Variants in ZFHX4 observed in about 807,000 individuals in gnomAD.
ZFHX4 encodes the protein zinc finger homeobox protein 4.
In ZFHX4, 56 loss-of-function variants were observed where a neutral mutation model predicts 267.6. That is an observed-to-expected ratio of 0.21 (90% CI 0.17 to 0.26). The LOEUF is 0.26. ZFHX4 is among the 10% of genes least tolerant of loss of function. ZFHX4 has a pLI of 1.00. For missense variants in ZFHX4, 4,332 were observed against 4,420.0 expected, an observed-to-expected ratio of 0.98 and a Z score of 0.56; for synonymous variants, 1,778 against 1,665.6, an observed-to-expected ratio of 1.07 and a Z score of -1.64.
At chr8:76,840,308 G>T (rs1812202307) in intron 5 of ZFHX4, among the ~76,000 whole-genome samples, 1 of 152,286 alleles carries the variant, frequency 6.6e-6, no homozygotes, top group East Asian at 1.9e-4. Flanking sequence ...TGCTGTTTGC[G>T]ATTAAGTTGA....
chr8:76,712,430 C>T (rs963000624), intron 3 of ZFHX4, among the ~76,000 whole-genome samples: 1 of 151,688 alleles, frequency 6.6e-6, no homozygotes, highest in Admixed American at 6.6e-5. Context: ...ATAACCCGAT[C>T]AGTTTGGAAT....
chr8:76,841,594 G>A lies in ZFHX4; in HGVS notation c.3395-1061G>A, dbSNP rs1812234320. Among the ~76,000 whole-genome samples, 3 of 152,012 alleles carry A rather than the reference G, an allele frequency of 2.0e-5. 1 individual carries two copies. The highest frequency in any genetic ancestry group is 1.3e-4 in the Admixed American group (2 of 15,278). ...AGAAGAGTGTATGCAAATGTGTGTC[G>A]GTGACCTTTTGCCTTTCCAGGGTTA... On this transcript the variant is annotated intron_variant, in intron 5 of 10. Transcript: ENST00000651372.
At chr8:76,710,823 A>G (rs1808403616) in intron 3 of ZFHX4, among the ~76,000 whole-genome samples, 1 of 152,132 alleles carries the variant, frequency 6.6e-6, no homozygotes, top group Non-Finnish European at 1.5e-5. Flanking sequence ...TCCTTATTCT[A>G]GGTTAAGGAG....
chr8:76,717,529 A>G (rs138956017), intron 3 of ZFHX4, among the ~76,000 whole-genome samples: 357 of 152,346 alleles, frequency 2.3e-3, no homozygotes, highest in African/African-American at 8.1e-3. Flanking sequence ...GCATAACAGA[A>G]TTGTTAACAG....
At chr8:76,748,528 G>A (rs890933835) in intron 3 of ZFHX4, among the ~76,000 whole-genome samples, 2 of 152,154 alleles carry the variant, frequency 1.3e-5, no homozygotes, top group Admixed American at 1.3e-4. Context: ...TCCAAGTCCT[G>A]GACTCAAGCG....
chr8:76,782,401 G>A (rs1332935278), intron 4 of ZFHX4, among the ~76,000 whole-genome samples: 1 of 151,926 alleles, frequency 6.6e-6, no homozygotes, highest in Non-Finnish European at 1.5e-5. Context: ...GTTGTTTTCT[G>A]TGAGCGTATT....
At chr8:76,749,235 A>G (rs1234618643) in intron 3 of ZFHX4, among the ~76,000 whole-genome samples, 1 of 152,048 alleles carries the variant, frequency 6.6e-6, no homozygotes, top group African/African-American at 2.4e-5. Flanking sequence ...ATTTTCTTCA[A>G]TTTAATGTAA....
intron 4 of ZFHX4, among the ~76,000 whole-genome samples, chr8:76,790,166 A>G (rs193042436): frequency 1.3e-5 from 2 of 152,290 alleles, no homozygotes; most frequent in African/African-American, 4.8e-5. Flanking sequence ...ACACTTTCCT[A>G]TATACATGGT....
chr8:76,722,717 A>C (rs1022168717), intron 3 of ZFHX4, among the ~76,000 whole-genome samples: 4 of 151,960 alleles, frequency 2.6e-5, no homozygotes, highest in African/African-American at 9.7e-5. Flanking sequence ...TAGCTTTGAA[A>C]AAAAAGGGAT....
intron 4 of ZFHX4, among the ~76,000 whole-genome samples, chr8:76,779,057 G>C (rs1262911799): frequency 6.6e-6 from 1 of 152,124 alleles, no homozygotes; most frequent in Non-Finnish European, 1.5e-5. Context: ...AAAGTGTCCT[G>C]TTTATATATG....
In ZFHX4 at chr8:76,855,436, C is replaced by T. The variant is rs1466141985; in HGVS notation, c.8515C>T (p.Pro2839Ser). 1 of 1,613,416 alleles carries T rather than the reference C, an allele frequency of 6.2e-7. No homozygotes were observed. Among genetic ancestry groups the T allele is most frequent in the Non-Finnish European group, 8.5e-7 (1 of 1,179,810 alleles). ...CGGAGATGTGAAACCGGCTTTGTCT[C>T]CCAAAGAGCCAAAAACTCTGGATAC... ...SSGDVKPALS[P>S]KEPKTLDTLP... Residue 2839 changes from proline to serine, a missense_variant, in exon 10 of 11, where the codon CCC becomes TCC. By Grantham distance (74) the Pro-to-Ser change is moderately conservative. This residue lies in a region of ZFHX4 where 1,648 missense variants were observed against 1,625.0 expected (regional missense o/e 1.01). Coordinates refer to ENST00000651372, the MANE Select transcript of ZFHX4 (RefSeq NM_024721.5).
At chr8:76,718,214 A>G (rs2131634546) in intron 3 of ZFHX4, among the ~76,000 whole-genome samples, 1 of 152,324 alleles carries the variant, frequency 6.6e-6, no homozygotes, top group East Asian at 1.9e-4. Flanking sequence ...TTTTTGAAAA[A>G]GATTGACATG....
At chr8:76,719,330 G>A (rs1808660096) in intron 3 of ZFHX4, among the ~76,000 whole-genome samples, 1 of 151,950 alleles carries the variant, frequency 6.6e-6, no homozygotes, top group South Asian at 2.1e-4. Flanking sequence ...CAATGTAAGG[G>A]TTCTCAGTTC....
Position 76,716,549 on chromosome 8 carries a change from CATTA to C in ZFHX4, c.3093+8504_3093+8507del, listed in dbSNP as rs555441657. Among the ~76,000 whole-genome samples, 407 of 152,208 alleles carry C rather than the reference CATTA, an allele frequency of 2.7e-3. 2 individuals carry two copies. Among genetic ancestry groups the C allele is most frequent in the Admixed American group, 4.5e-3 (69 of 15,282 alleles). ...CTTTTCAGCTTATGCCCCTAGCCCACATTAATAAGGTTTTTTAATTAAGAAGACT... is the reference window on the plus strand; with the variant it reads ...CTTTTCAGCTTATGCCCCTAGCCCACATAAGGTTTTTTAATTAAGAAGACT... On this transcript the variant is annotated intron_variant, in intron 3 of 10. Coordinates refer to ENST00000651372, the MANE Select transcript of ZFHX4 (RefSeq NM_024721.5).
Position 76,851,942 on chromosome 8 carries a change from A to C in ZFHX4, c.5021A>C (p.Gln1674Pro). The change falls in exon 10 of 11, where the codon CAA becomes CCA. Residue 1674 changes from glutamine (Q) to proline (P), a missense_variant. Gln to Pro is a moderately conservative substitution (Grantham distance 76). Coordinates refer to ENST00000651372, the MANE Select transcript of ZFHX4 (RefSeq NM_024721.5). Reference sequence around the variant, plus strand: ...GATGCCAAAGAATTAAATAAAAAGCAAACTCCTGATTTAATCTCTGCTCAA... The same window carrying C: ...GATGCCAAAGAATTAAATAAAAAGCCAACTCCTGATTTAATCTCTGCTCAA... ...HLDAKELNKKQTPDLISAQPA... is the reference protein window; with the variant it reads ...HLDAKELNKKPTPDLISAQPA... The C allele has an allele frequency of 6.2e-7, 1 of 1,613,976 alleles. No homozygotes were observed. The highest frequency in any genetic ancestry group is 8.5e-7 in the Non-Finnish European group (1 of 1,179,864).
chr8:76,683,005 C>G (rs1488953560), intron 1 of ZFHX4: 1 of 152,166 alleles, frequency 6.6e-6, no homozygotes, highest in Non-Finnish European at 1.5e-5. Flanking sequence ...CTATTCTAAT[C>G]CCCTTCCCCT....
chr8:76,777,855 TG>T (rs2131770808), intron 3 of ZFHX4, among the ~76,000 whole-genome samples: 1 of 143,242 alleles, frequency 7.0e-6, no homozygotes, highest in Non-Finnish European at 1.5e-5. Context: ...TTGATGAACT[TG>T]TTTTTTTTTT....
rs566828767 is a variant in ZFHX4 at position 76,800,028 on chromosome 8, C to A, written c.3325+21589C>A. Among the ~76,000 whole-genome samples, 4 of 151,964 alleles carry A rather than the reference C, an allele frequency of 2.6e-5. No homozygotes were observed. The East Asian group carries it at 7.8e-4, about 29-fold the overall frequency. On this transcript the variant is annotated intron_variant, in intron 4 of 10. Transcript: ENST00000651372. Reference sequence around the variant, plus strand: ...CGTCCTTGACATGTTGGATTGGATTCCTTCAGAAAGCGCGTGTGTCAGAAA... The same window carrying A: ...CGTCCTTGACATGTTGGATTGGATTACTTCAGAAAGCGCGTGTGTCAGAAA...
chr8:76,716,763 G>T (rs984625988), intron 3 of ZFHX4, among the ~76,000 whole-genome samples: 34 of 152,188 alleles, frequency 2.2e-4, no homozygotes, highest in African/African-American at 8.0e-4. Flanking sequence ...ACAGGAAGGA[G>T]AAACTGTTGT....
Sources: gnomAD v4.1 joint callset for allele counts (sites outside exome capture counted in the v4.1 genomes callset) on GRCh38, gnomAD v4.1.1 for gene constraint, gnomAD v4.1.1 regional missense constraint, MANE v1.5 for transcripts, NCBI Gene and HGNC (gene_info 2026-07-23, HGNC 2026-07-21) for gene names.